DNAJC5: variants seen among roughly 807,000 people sequenced by gnomAD.
DNAJC5 encodes dnaJ homolog subfamily C member 5.
A neutral mutation model predicts 23.2 loss-of-function variants in DNAJC5; 1 was observed. The ratio of observed to expected loss-of-function variants is 0.04; its 90% CI spans 0.02 to 0.20. DNAJC5 has a LOEUF of 0.20. Among genes scored for constraint, DNAJC5 ranks in the 10% least tolerant of loss-of-function variants. DNAJC5 has a pLI of 1.00. For missense variants in DNAJC5, 180 were observed against 267.0 expected, an observed-to-expected ratio of 0.67 and a Z score of 2.27; for synonymous variants, 136 against 120.0, an observed-to-expected ratio of 1.13 and a Z score of -0.87.
chr20:63,922,642 C>A (rs1272067829), intron 1 of DNAJC5, among the ~76,000 whole-genome samples: 4 of 151,904 alleles, frequency 2.6e-5, no homozygotes, highest in African/African-American at 9.7e-5. Flanking sequence ...TGGTGGCTCA[C>A]GCCTGTAGTC....
chr20:63,928,481 C>A lies in DNAJC5; in HGVS notation c.107+29C>A. On this transcript the variant is annotated intron_variant, in intron 2 of 4. Coordinates refer to ENST00000360864, the MANE Select transcript of DNAJC5 (RefSeq NM_025219.3). This position sits in a 1 kb window ranked among gnomAD's most constrained non-coding sequence, Gnocchi z 4.6. ...AGTGGACAAGTGTGGCCCCCACATC[C>A]CCCCAGGAAGACACACATGCCCCGT... is the stretch of plus-strand genomic sequence containing the variant. 6.3e-7 allele frequency: 1 copy of A among 1,577,396 alleles called. No individual in the cohort carries two copies. The highest frequency in any genetic ancestry group is 8.7e-7 in the Non-Finnish European group (1 of 1,146,752).
chr20:63,925,084 C>T (rs1240670801), intron 1 of DNAJC5, among the ~76,000 whole-genome samples: 1 of 152,118 alleles, frequency 6.6e-6, no homozygotes, highest in Non-Finnish European at 1.5e-5. Flanking sequence ...GCCTGTGTGG[C>T]TGGGTCTGGG....
intron 1 of DNAJC5, among the ~76,000 whole-genome samples, chr20:63,926,794 C>T (rs999535030): frequency 1.3e-5 from 2 of 152,188 alleles, no homozygotes; most frequent in Admixed American, 6.5e-5. Context: ...TTCATGGAGC[C>T]CCCAGCTCAG....
At chr20:63,896,430 T>C (rs2053375995) in intron 1 of DNAJC5, among the ~76,000 whole-genome samples, 1 of 152,194 alleles carries the variant, frequency 6.6e-6, no homozygotes. Context: ...CAGAGAGCTG[T>C]AGGGGCCCGC....
chr20:63,928,504 CGTGTGGTTTAGTCTG>C lies in DNAJC5; in HGVS notation c.107+53_107+67del, dbSNP rs2053634568. The C allele has an allele frequency of 6.8e-7, 1 of 1,469,208 alleles. No individual in the cohort carries two copies. Among genetic ancestry groups the C allele is most frequent in the Non-Finnish European group, 9.5e-7 (1 of 1,049,284 alleles). The allele number at this position is 1,469,208 out of a possible 1,614,324, so 91.0% of individuals were successfully genotyped here. A position where few individuals can be genotyped will look rare whatever the true frequency, so the allele number is the denominator to read the frequency against. On this transcript the variant is annotated intron_variant, in intron 2 of 4. Transcript: ENST00000360864. This position sits in a 1 kb window ranked among gnomAD's most constrained non-coding sequence, Gnocchi z 4.6. ...TCCCCCCAGGAAGACACACATGCCC[CGTGTGGTTTAGTCTG>C]CATTTTACCAAGAACCATTGCACAT...
intron 1 of DNAJC5, among the ~76,000 whole-genome samples, chr20:63,926,900 C>T (rs1483758807): frequency 6.6e-6 from 1 of 152,152 alleles, no homozygotes; most frequent in Non-Finnish European, 1.5e-5. Flanking sequence ...ATGAAATTAA[C>T]CGTCATGTAC....
intron 1 of DNAJC5, among the ~76,000 whole-genome samples, chr20:63,903,941 C>G (rs1353277416): frequency 6.6e-6 from 1 of 152,092 alleles, no homozygotes; most frequent in African/African-American, 2.4e-5. Context: ...CAAAAGTTAG[C>G]TGGGCGTGGT....
intron 1 of DNAJC5, among the ~76,000 whole-genome samples, chr20:63,910,417 C>T (rs1450442864): frequency 6.6e-6 from 1 of 151,888 alleles, no homozygotes; most frequent in African/African-American, 2.4e-5. Context: ...GTTGCGAGTG[C>T]CTGTAGTCCC....
chr20:63,907,764 T>G (rs548673430), intron 1 of DNAJC5, among the ~76,000 whole-genome samples: 1 of 152,310 alleles, frequency 6.6e-6, no homozygotes, highest in Non-Finnish European at 1.5e-5. Flanking sequence ...CTCTGAAATT[T>G]AGGGGTTTTT....
At chr20:63,903,489 A>G (rs932827725) in intron 1 of DNAJC5, among the ~76,000 whole-genome samples, 1 of 151,912 alleles carries the variant, frequency 6.6e-6, no homozygotes, top group Non-Finnish European at 1.5e-5. Context: ...TGTATTTTTT[A>G]GTAGAGACGG....
At chr20:63,917,659 G>A (rs914250296) in intron 1 of DNAJC5, among the ~76,000 whole-genome samples, 1 of 152,086 alleles carries the variant, frequency 6.6e-6, no homozygotes, top group African/African-American at 2.4e-5. Flanking sequence ...GGATTCAAGC[G>A]ATTTTCCTGC....
Position 63,931,205 on chromosome 20 carries a change from T to C in DNAJC5, c.493+183T>C, listed in dbSNP as rs867752580. ...GAGGTAAAGCAGGCGCATAGAGCTGTCCCCGCCGTGACCTGCGGTAGCCGT... is the reference window on the plus strand; with the variant it reads ...GAGGTAAAGCAGGCGCATAGAGCTGCCCCCGCCGTGACCTGCGGTAGCCGT... On this transcript the variant is annotated intron_variant, in intron 4 of 4. Coordinates refer to ENST00000360864, the MANE Select transcript of DNAJC5 (RefSeq NM_025219.3). This position sits in a 1 kb window ranked among gnomAD's most constrained non-coding sequence, Gnocchi z 9.6. 1.5e-3 allele frequency: 1,208 copies of C among 779,672 alleles called. 3 individuals carry two copies. The Middle Eastern group carries it at 0.026, about 17-fold the overall frequency. The allele number at this position is 779,672 out of a possible 1,614,324, so 48.3% of individuals were successfully genotyped here.
rs1064794557 is a variant in DNAJC5, at chr20:63,895,308, GCGGGCGGA to G, written c.-21_-14del. On this transcript the variant is annotated 5_prime_UTR_variant, in exon 1 of 5. Coordinates refer to ENST00000360864, the MANE Select transcript of DNAJC5 (RefSeq NM_025219.3). ...GCGGAGCCGGCGGGAGGGCGGGCGG[GCGGGCGGA>G]CGGGCAGGTGAGCTCGCTGCGGGTC... The G allele has an allele frequency of 1.8e-4, 27 of 147,988 alleles. No homozygotes were observed. Among genetic ancestry groups the G allele is most frequent in the African/African-American group, 5.4e-4 (22 of 41,050 alleles). The allele number at this position is 147,988 out of a possible 1,614,324, so 9.2% of individuals were successfully genotyped here. A position where few individuals can be genotyped will look rare whatever the true frequency, so the allele number is the denominator to read the frequency against.
At position 63,929,263 on chromosome 20, in the gene DNAJC5, G is replaced by T; in HGVS notation, c.108-49G>T. The stretch of plus-strand genomic sequence containing the variant: ...GTGGGATGGACGCGGCGGCGGGTGC[G>T]GGTGGAACAAAGTCCAGGGTAGAGC... On this transcript the variant is annotated intron_variant, in intron 2 of 4. Transcript: ENST00000360864. This position sits in a 1 kb window ranked among gnomAD's most constrained non-coding sequence, Gnocchi z 8.6. 1.3e-6 allele frequency: 2 copies of T among 1,580,496 alleles called. No homozygotes were observed. The highest frequency in any genetic ancestry group is 8.6e-7 in the Non-Finnish European group (1 of 1,163,114).
chr20:63,901,004 A>T (rs1397465292), intron 1 of DNAJC5, among the ~76,000 whole-genome samples: 1 of 152,196 alleles, frequency 6.6e-6, no homozygotes, highest in African/African-American at 2.4e-5. Flanking sequence ...TCGCTCTGTC[A>T]TCCAGGCTGG....
intron 1 of DNAJC5, among the ~76,000 whole-genome samples, chr20:63,907,176 G>T (rs1051960237): frequency 6.6e-6 from 1 of 152,200 alleles, no homozygotes; most frequent in African/African-American, 2.4e-5. Flanking sequence ...TAAGTTATTT[G>T]TGATCAGGAC....
intron 1 of DNAJC5, chr20:63,919,344 C>T (rs972921714): frequency 7.8e-6 from 4 of 511,654 alleles, no homozygotes; most frequent in Non-Finnish European, 1.6e-5. Context: ...CAAATGAATG[C>T]TGAGCTGTGA....
Position 63,931,401 on chromosome 20 carries a change from G to A in DNAJC5, c.494-64G>A. The stretch of plus-strand genomic sequence containing the variant: ...CAGGTGCCCGAAAGTCGCTCCACAG[G>A]ACCAGCGTTGGGTGCGCGCCAGGCT... On this transcript the variant is annotated intron_variant, in intron 4 of 4. Transcript: ENST00000360864. The surrounding 1 kb of genome is among the most constrained non-coding windows in gnomAD (Gnocchi z 9.6). 8 of 1,456,860 alleles carry A rather than the reference G, an allele frequency of 5.5e-6. No individual in the cohort carries two copies. Among genetic ancestry groups the A allele is most frequent in the Non-Finnish European group, 7.4e-6 (8 of 1,075,486 alleles). 90.2% of individuals were successfully genotyped at this position (1,456,860 alleles called of 1,614,324 possible).
intron 1 of DNAJC5, among the ~76,000 whole-genome samples, chr20:63,926,051 A>G (rs1297382796): frequency 6.6e-6 from 1 of 152,000 alleles, no homozygotes; most frequent in African/African-American, 2.4e-5. Flanking sequence ...GATGGTCTCA[A>G]TCTCCTGATC....
Sources: allele counts gnomAD v4.1 joint callset (sites outside exome capture counted in the v4.1 genomes callset), GRCh38; gene constraint gnomAD v4.1.1; non-coding constraint Gnocchi (gnomAD v3.1); transcripts MANE v1.5; gene names NCBI Gene and HGNC (gene_info 2026-07-23, HGNC 2026-07-21).